The following CENPP variants were observed in gnomAD, a reference collection of about 807,000 sequenced individuals.
CENPP encodes the protein centromere protein P.
Under a neutral mutation model 35.6 loss-of-function variants are expected in CENPP, and 24 were observed. The observed-to-expected ratio is 0.67, with a 90% CI of 0.49 to 0.95. CENPP has a LOEUF of 0.95. CENPP is among the 40% of genes least tolerant of loss of function. The probability of loss-of-function intolerance (pLI) is 0.00; values close to 1 mark genes in which losing one functional copy is unlikely to be tolerated. For synonymous variants in CENPP, 120 were observed against 125.5 expected (o/e 0.96, Z 0.29); for missense variants, 332 against 345.3 (o/e 0.96, Z 0.31).
intron 5 of CENPP, among the ~76,000 whole-genome samples, chr9:92,566,537 C>T (rs1027565216): frequency 6.6e-6 from 1 of 151,952 alleles, no homozygotes; most frequent in African/African-American, 2.4e-5. Flanking sequence ...AAATCTAAAA[C>T]CAAAAAGAAA....
chr9:92,416,512 C>T (rs1843617081), intron 5 of CENPP: 1 of 718,506 alleles, frequency 1.4e-6, no homozygotes. Flanking sequence ...AACTTCAAAA[C>T]AACTATTTTC....
chr9:92,544,627 A>G lies in CENPP; in HGVS notation c.565-66687A>G, dbSNP rs542342583. 2.0e-5 allele frequency among the ~76,000 whole-genome samples: 3 copies of G among 152,278 alleles called. No homozygotes were observed. In the South Asian group the frequency reaches 6.2e-4, roughly 32 times the overall value. The stretch of plus-strand genomic sequence containing the variant: ...TGTTCTTTAAAAAACAAAACTAGTA[A>G]AAGCTGTGGCAAGACTGATGCATGA... On this transcript the variant is annotated intron_variant, in intron 5 of 7. Coordinates refer to ENST00000375587, the MANE Select transcript of CENPP (RefSeq NM_001012267.3).
intron 4 of CENPP, among the ~76,000 whole-genome samples, chr9:92,374,291 C>G (rs1460630925): frequency 1.6e-5 from 2 of 128,010 alleles, no homozygotes; most frequent in Non-Finnish European, 3.6e-5. Context: ...GTATGTGAAC[C>G]CCTCCTGGGT....
At chr9:92,334,906 G>C (rs1840875562) in intron 2 of CENPP, among the ~76,000 whole-genome samples, 1 of 151,624 alleles carries the variant, frequency 6.6e-6, no homozygotes, top group South Asian at 2.1e-4. Context: ...AAAAAAAAAG[G>C]CCGGTTGTGG....
intron 5 of CENPP, among the ~76,000 whole-genome samples, chr9:92,542,919 A>G (rs1270505435): frequency 1.3e-5 from 2 of 152,170 alleles, no homozygotes; most frequent in Non-Finnish European, 2.9e-5. Context: ...ATCTAACTTC[A>G]TTCTTTTACA....
intron 5 of CENPP, among the ~76,000 whole-genome samples, chr9:92,437,966 C>T (rs1588129568): frequency 6.6e-6 from 1 of 150,942 alleles, no homozygotes; most frequent in South Asian, 2.1e-4. Context: ...TGCCTCCACA[C>T]CTGGCTAATT....
At chr9:92,389,859 A>G (rs759672014) in intron 5 of CENPP, 7 of 1,598,800 alleles carry the variant, frequency 4.4e-6, no homozygotes, top group South Asian at 1.1e-5. Context: ...CTTACTTTGA[A>G]TGCATTTGCT....
intron 5 of CENPP, chr9:92,416,896 A>G (rs1015217022): frequency 5.6e-6 from 9 of 1,613,944 alleles, no homozygotes; most frequent in Middle Eastern, 1.6e-4. Context: ...CTAATCTGTT[A>G]CTGCAGAGGT....
intron 5 of CENPP, among the ~76,000 whole-genome samples, chr9:92,608,091 C>T (rs927898593): frequency 6.6e-6 from 1 of 152,180 alleles, no homozygotes; most frequent in Admixed American, 6.5e-5. Flanking sequence ...AGGTCCCCTC[C>T]CAACAGCCAC....
intron 5 of CENPP, chr9:92,610,600 T>C (rs1437582400): frequency 6.6e-6 from 1 of 152,202 alleles, no homozygotes; most frequent in East Asian, 1.9e-4. Context: ...AGCCTAGAAA[T>C]CTGTGAGATT....
chr9:92,528,358 A>G (rs1161057275), intron 5 of CENPP, among the ~76,000 whole-genome samples: 1 of 152,014 alleles, frequency 6.6e-6, no homozygotes, highest in Non-Finnish European at 1.5e-5. Context: ...GAAAAGATAC[A>G]GCTGGAAATC....
At chr9:92,611,284 T>G in intron 5 of CENPP, 30 bp from the exon 6 acceptor site, 1 of 1,581,912 alleles carries the variant, frequency 6.3e-7, no homozygotes, top group Non-Finnish European at 8.7e-7. Context: ...CACCAGTGGA[T>G]CTGTCTACCC....
At chr9:92,552,074 ATCTATCATATAT>A (rs1564000211) in intron 5 of CENPP, among the ~76,000 whole-genome samples, 5 of 108,524 alleles carry the variant, frequency 4.6e-5, no homozygotes, top group Non-Finnish European at 9.3e-5. Context: ...GATATGATAG[ATCTATCATATAT>A]GTGATATGAT....
intron 5 of CENPP, among the ~76,000 whole-genome samples, chr9:92,540,936 G>A (rs1328524414): frequency 6.6e-6 from 1 of 151,898 alleles, no homozygotes; most frequent in African/African-American, 2.4e-5. Flanking sequence ...AAAAGATTTA[G>A]AAAGCCAAAA....
chr9:92,367,134 A>G (rs1031629664), intron 4 of CENPP, among the ~76,000 whole-genome samples: 2 of 152,204 alleles, frequency 1.3e-5, no homozygotes, highest in African/African-American at 4.8e-5. Context: ...AATGAGGCAG[A>G]TAACTGTGGA....
chr9:92,403,616 T>A, intron 5 of CENPP: 2 of 1,211,268 alleles, frequency 1.7e-6, no homozygotes, highest in Non-Finnish European at 1.0e-6. Context: ...GCAGTTTTTA[T>A]GTATCAGTGA....
chr9:92,346,540 G>A (rs962938101), intron 4 of CENPP, among the ~76,000 whole-genome samples: 4 of 152,174 alleles, frequency 2.6e-5, no homozygotes, highest in African/African-American at 9.7e-5. Context: ...TGGGAATTGG[G>A]TATAAAGAGT....
At chr9:92,328,631 A>G (rs1358661457) in intron 1 of CENPP, among the ~76,000 whole-genome samples, 1 of 152,224 alleles carries the variant, frequency 6.6e-6, no homozygotes, top group Non-Finnish European at 1.5e-5. Context: ...ACTCGTGTAC[A>G]GATTGATTTT....
chr9:92,417,522 A>G lies in CENPP; in HGVS notation c.564+37663A>G, dbSNP rs762194760. The G allele has an allele frequency of 4.4e-6, 7 of 1,606,962 alleles. No individual in the cohort carries two copies. The South Asian group carries it at 7.8e-5, about 18-fold the overall frequency. The stretch of plus-strand genomic sequence containing the variant: ...TGGCAATGTACTTTGACTCCAAAAA[A>G]GAAGAAAATAACATATATTGGACTT... On this transcript the variant is annotated intron_variant, in intron 5 of 7. Coordinates refer to ENST00000375587, the MANE Select transcript of CENPP (RefSeq NM_001012267.3).
Sources: allele counts gnomAD v4.1 joint callset (sites outside exome capture counted in the v4.1 genomes callset), GRCh38; gene constraint gnomAD v4.1.1; transcripts MANE v1.5; gene names NCBI Gene and HGNC (gene_info 2026-07-23, HGNC 2026-07-21).